RAD50: variants seen among roughly 807,000 people sequenced by gnomAD.
RAD50 encodes the protein RAD50 double strand break repair protein.
A neutral mutation model predicts 168.8 loss-of-function variants in RAD50; 132 were observed. The observed-to-expected ratio is 0.78, with a 90% CI of 0.68 to 0.90. RAD50 has a LOEUF of 0.90. Among genes scored for constraint, RAD50 ranks in the 40% least tolerant of loss-of-function variants. RAD50 has a pLI of 0.00. For synonymous variants in RAD50, 525 were observed against 497.4 expected (o/e 1.06, Z -0.74); for missense variants, 1,347 against 1,534.4 (o/e 0.88, Z 2.04).
intron 19 of RAD50, among the ~76,000 whole-genome samples, chr5:132,614,702 A>T (rs960637703): frequency 4.0e-5 from 6 of 150,102 alleles, no homozygotes; most frequent in African/African-American, 1.2e-4. Flanking sequence ...ATTACTTTTT[A>T]TTTTTTTTCC....
chr5:132,597,857 G>A (rs1444944130), intron 13 of RAD50, among the ~76,000 whole-genome samples: 3 of 152,118 alleles, frequency 2.0e-5, no homozygotes, highest in African/African-American at 7.2e-5. Flanking sequence ...GACAGAGGCA[G>A]TAGTTTGAGA....
intron 2 of RAD50, among the ~76,000 whole-genome samples, chr5:132,573,321 A>G (rs1750339512): frequency 6.6e-6 from 1 of 152,218 alleles, no homozygotes; most frequent in East Asian, 1.9e-4. Flanking sequence ...CCTCACAATC[A>G]TGGTGGAAGG....
Position 132,644,042 on chromosome 5 carries a change from T to C in RAD50, c.*1678T>C, listed in dbSNP as rs1742347910. On this transcript the variant is annotated 3_prime_UTR_variant, in exon 25 of 25. Transcript: ENST00000378823. The stretch of plus-strand genomic sequence containing the variant: ...GTCATCTTAACTGCAAAATAAAACA[T>C]TTCTCAGTAAATATTAAAGCCAGTT... 4.6e-6 allele frequency: 1 copy of C among 215,316 alleles called. No individual in the cohort carries two copies. The highest frequency in any genetic ancestry group is 9.4e-6 in the Non-Finnish European group (1 of 106,720). 13.3% of individuals were successfully genotyped at this position (215,316 alleles called of 1,614,324 possible).
At chr5:132,558,384 C>T (rs1357434110) in intron 1 of RAD50, among the ~76,000 whole-genome samples, 1 of 152,096 alleles carries the variant, frequency 6.6e-6, no homozygotes, top group African/African-American at 2.4e-5. Context: ...TGCTCTGTGC[C>T]TTAGTTTTCT....
At chr5:132,567,007 C>G (rs1032766271) in intron 2 of RAD50, among the ~76,000 whole-genome samples, 1 of 152,208 alleles carries the variant, frequency 6.6e-6, no homozygotes, top group African/African-American at 2.4e-5. Flanking sequence ...ACCTTGTCTA[C>G]ATTTAACCTA....
At chr5:132,563,083 A>G (rs146043454) in intron 2 of RAD50, among the ~76,000 whole-genome samples, 1 of 152,346 alleles carries the variant, frequency 6.6e-6, no homozygotes, top group Non-Finnish European at 1.5e-5. Context: ...GAATTATTTT[A>G]TGAATTTTGT....
intron 8 of RAD50, among the ~76,000 whole-genome samples, chr5:132,589,238 A>G (rs1750652050): frequency 6.6e-6 from 1 of 152,216 alleles, no homozygotes; most frequent in Non-Finnish European, 1.5e-5. Context: ...CACATATTTG[A>G]CATTGGTCCC....
chr5:132,623,259 A>C (rs568024758), intron 21 of RAD50, among the ~76,000 whole-genome samples: 37 of 152,288 alleles, frequency 2.4e-4, no homozygotes, highest in Admixed American at 2.2e-3. Context: ...TGGGCGGATC[A>C]CTTGAGGTGA....
chr5:132,579,428 A>G lies in RAD50; in HGVS notation c.477A>G (p.Gln159=), dbSNP rs876660281. ...TAAATAATGTCATTTTCTGTCATCA[A>G]GAAGATTCTAATTGGCCTTTAAGTG... is the stretch of plus-strand genomic sequence containing the variant. ...AVLNNVIFCH[Q]EDSNWPLSEG... The change falls in exon 4 of 25, where the codon CAA becomes CAG. Residue 159 remains glutamine (Q), a synonymous_variant. Transcript: ENST00000378823. 1.2e-6 allele frequency: 2 copies of G among 1,613,964 alleles called. No individual in the cohort carries two copies. The highest frequency in any genetic ancestry group is 1.1e-5 in the South Asian group (1 of 91,078).
In RAD50 at chr5:132,642,423, A is replaced by C; in HGVS notation, c.*59A>C. On this transcript the variant is annotated 3_prime_UTR_variant, in exon 25 of 25. Coordinates refer to ENST00000378823, the MANE Select transcript of RAD50 (RefSeq NM_005732.4). ...GGTCCTCAGAAAGTGTATAATAAGA[A>C]ACTTATTTCTCATATCAACTTAGTC... 1 of 1,425,798 alleles carries C rather than the reference A, an allele frequency of 7.0e-7. No homozygotes were observed. The highest frequency in any genetic ancestry group is 1.2e-5 in the South Asian group (1 of 82,738). 88.3% of individuals were successfully genotyped at this position (1,425,798 alleles called of 1,614,324 possible). A position where few individuals can be genotyped will look rare whatever the true frequency, so the allele number is the denominator to read the frequency against.
intron 8 of RAD50, among the ~76,000 whole-genome samples, 200 bp from the exon 9 acceptor site, chr5:132,589,431 G>A (rs576739007): frequency 6.6e-4 from 100 of 152,246 alleles, no homozygotes; most frequent in Non-Finnish European, 8.8e-4. Context: ...ACTATACCAT[G>A]TAGGCTTATG....
At chr5:132,585,107 A>G (rs116413178) in intron 5 of RAD50, among the ~76,000 whole-genome samples, 6,201 of 152,276 alleles carry the variant, frequency 0.041, 359 homozygotes, top group African/African-American at 0.13. Flanking sequence ...ATAAAAAGAA[A>G]TAAGTTGTTT....
Position 132,611,522 on chromosome 5 carries a change from G to A in RAD50, c.3036+2126G>A, listed in dbSNP as rs182987209. ...AGATCGAGACCATCCTGGCTAACAC[G>A]CCGAAACCCCGTCTCTACTAAAAAA... On this transcript the variant is annotated intron_variant, in intron 19 of 24. Transcript: ENST00000378823. Among the ~76,000 whole-genome samples, 11 of 151,484 alleles carry A rather than the reference G, an allele frequency of 7.3e-5. No homozygotes were observed. The East Asian group carries it at 1.9e-3, about 27-fold the overall frequency.
chr5:132,612,204 C>T (rs1046622912), intron 19 of RAD50, among the ~76,000 whole-genome samples: 12 of 152,120 alleles, frequency 7.9e-5, no homozygotes, highest in African/African-American at 2.7e-4. Context: ...TACATGCTAC[C>T]ACATGAATGA....
At chr5:132,586,631 G>A (rs537994657) in intron 5 of RAD50, among the ~76,000 whole-genome samples, 37 of 152,148 alleles carry the variant, frequency 2.4e-4, no homozygotes, top group African/African-American at 8.2e-4. Context: ...TGTTAAAGTC[G>A]AGGATGCATT....
intron 19 of RAD50, among the ~76,000 whole-genome samples, chr5:132,613,014 G>C (rs1195290286): frequency 1.3e-5 from 2 of 151,678 alleles, no homozygotes; most frequent in Non-Finnish European, 2.9e-5. Context: ...TTGTAGAAGT[G>C]GTGTTATTCC....
intron 2 of RAD50, among the ~76,000 whole-genome samples, chr5:132,569,253 A>G (rs1253983332): frequency 1.3e-5 from 2 of 152,220 alleles, no homozygotes; most frequent in South Asian, 2.1e-4. Context: ...AATAATTTTA[A>G]AAACCCAAAT....
In RAD50 at chr5:132,601,898, G is replaced by T. The variant is rs561912734; in HGVS notation, c.2208-1402G>T. On this transcript the variant is annotated intron_variant, in intron 13 of 24. Transcript: ENST00000378823. ...AGGAGCAGAAAACCAAACATTGCAT[G>T]TTCTCACTCATAAATGGGAGTTGAA... Among the ~76,000 whole-genome samples, 7 of 152,080 alleles carry T rather than the reference G, an allele frequency of 4.6e-5. 1 individual carries two copies. The highest frequency in any genetic ancestry group is 8.8e-5 in the Non-Finnish European group (6 of 68,016).
chr5:132,591,110 A>T, intron 9 of RAD50, 114 bp from the exon 10 acceptor site: 1 of 1,092,608 alleles, frequency 9.2e-7, no homozygotes, highest in South Asian at 1.3e-5. Flanking sequence ...TTGGATGCAA[A>T]CAGTAATATT....
Sources: allele counts gnomAD v4.1 joint callset (sites outside exome capture counted in the v4.1 genomes callset), GRCh38; gene constraint gnomAD v4.1.1; transcripts MANE v1.5; gene names NCBI Gene and HGNC (gene_info 2026-07-23, HGNC 2026-07-21).